Variants in LGI1 observed in about 807,000 individuals in gnomAD.
LGI1 encodes leucine rich glioma inactivated 1.
In LGI1, 11 loss-of-function variants were observed where a neutral mutation model predicts 57.7. The observed-to-expected ratio is 0.19, with a 90% CI of 0.12 to 0.32. LGI1 has a LOEUF of 0.32. LGI1 is among the 10% of genes least tolerant of loss of function. The pLI, the probability that LGI1 is intolerant of heterozygous loss-of-function variation, is 1.00. For missense variants in LGI1, 422 were observed against 661.9 expected (o/e 0.64, Z 3.98); for synonymous variants, 222 against 241.9 (o/e 0.92, Z 0.76).
At chr10:93,781,086 T>C (rs543996677) in intron 4 of LGI1, among the ~76,000 whole-genome samples, 3 of 152,284 alleles carry the variant, frequency 2.0e-5, no homozygotes, top group Admixed American at 6.5e-5. Flanking sequence ...AGGCCGGGCG[T>C]GGTGGCTCAC....
chr10:93,794,512 TGCCACCAC>T (rs548595692), intron 7 of LGI1: 181 of 152,036 alleles, frequency 1.2e-3, no homozygotes, highest in African/African-American at 4.1e-3. Flanking sequence ...TACAGGCATG[TGCCACCAC>T]GCCCTAATAA....
intron 2 of LGI1, chr10:93,764,767 G>T (rs778600260): frequency 1.8e-4 from 28 of 152,178 alleles, no homozygotes; most frequent in African/African-American, 5.6e-4. Context: ...GCTTTGCAAG[G>T]TTCCTGTAAC....
At position 93,758,417 on chromosome 10, in the gene LGI1, A is replaced by C. The variant is rs575994604; in HGVS notation, c.215+58A>C. 1.3e-6 allele frequency: 2 copies of C among 1,524,646 alleles called. No individual in the cohort carries two copies. The highest frequency in any genetic ancestry group is 1.8e-6 in the Non-Finnish European group (2 of 1,101,284). 94.4% of individuals were successfully genotyped at this position (1,524,646 alleles called of 1,614,324 possible). On this transcript the variant is annotated intron_variant, in intron 1 of 7. Transcript: ENST00000371418. This position sits in a 1 kb window ranked among gnomAD's most constrained non-coding sequence, Gnocchi z 4.7. Reference sequence around the variant, plus strand: ...ACGATTTAAAAATTCCAGCCGGTGGATTTGGGGCTTTGCATGTATTTGTAG... The same window carrying C: ...ACGATTTAAAAATTCCAGCCGGTGGCTTTGGGGCTTTGCATGTATTTGTAG...
chr10:93,758,041 C>A lies in LGI1; in HGVS notation c.-104C>A. 1 of 971,378 alleles carries A rather than the reference C, an allele frequency of 1.0e-6. No homozygotes were observed. The highest frequency in any genetic ancestry group is 1.6e-6 in the Non-Finnish European group (1 of 614,166). The allele number at this position is 971,378 out of a possible 1,614,324, so 60.2% of individuals were successfully genotyped here. A position where few individuals can be genotyped will look rare whatever the true frequency, so the allele number is the denominator to read the frequency against. ...TTTTGAAAAAGCAGAGATACAGAGGCAGAGGAAAAGGGTGGACTCCTATGT... is the reference window on the plus strand; with the variant it reads ...TTTTGAAAAAGCAGAGATACAGAGGAAGAGGAAAAGGGTGGACTCCTATGT... On this transcript the variant is annotated 5_prime_UTR_variant, in exon 1 of 8. Transcript: ENST00000371418. This position sits in a 1 kb window ranked among gnomAD's most constrained non-coding sequence, Gnocchi z 4.7.
At chr10:93,766,851 G>A (rs966106003) in intron 2 of LGI1, 2 of 152,058 alleles carry the variant, frequency 1.3e-5, no homozygotes, top group Admixed American at 6.5e-5. Context: ...ACCTTTTGAG[G>A]TAGATATAAT....
intron 4 of LGI1, among the ~76,000 whole-genome samples, chr10:93,785,755 G>A (rs1564848605): frequency 5.8e-5 from 1 of 17,256 alleles, no homozygotes; most frequent in African/African-American, 6.0e-5. Flanking sequence ...ACTCGGTGCA[G>A]AGGTGGAATC....
Position 93,758,492 on chromosome 10 carries a change from G to GCTAA in LGI1, c.215+135_215+138dup. 1.1e-6 allele frequency: 1 copy of GCTAA among 934,426 alleles called. No individual in the cohort carries two copies. Among genetic ancestry groups the GCTAA allele is most frequent in the Non-Finnish European group, 1.7e-6 (1 of 587,936 alleles). The allele number at this position is 934,426 out of a possible 1,614,324, so 57.9% of individuals were successfully genotyped here. ...CTTGCATGCTTGGCCATTTGACAGT[G>GCTAA]CTAACATTTGCTGCATTTAGAATTT... is the stretch of plus-strand genomic sequence containing the variant. On this transcript the variant is annotated intron_variant, in intron 1 of 7. Coordinates refer to ENST00000371418, the MANE Select transcript of LGI1 (RefSeq NM_005097.4). This position sits in a 1 kb window ranked among gnomAD's most constrained non-coding sequence, Gnocchi z 4.7.
At chr10:93,783,460 GA>G (rs1564847571) in intron 4 of LGI1, among the ~76,000 whole-genome samples, 1 of 152,196 alleles carries the variant, frequency 6.6e-6, no homozygotes, top group African/African-American at 2.4e-5. Flanking sequence ...GTGCTTAGTT[GA>G]AGGCAACTTT....
At chr10:93,759,019 A>G (rs2059595367) in intron 2 of LGI1, 188 bp downstream of exon 2, 8 of 605,662 alleles carry the variant, frequency 1.3e-5, no homozygotes, top group Admixed American at 5.7e-5. Context: ...GATTCTTACA[A>G]TGGTAAATCT....
At position 93,793,259 on chromosome 10, in the gene LGI1, T is replaced by C. The variant is rs1222260035; in HGVS notation, c.747T>C (p.Tyr249=). Residue 249 remains tyrosine (Y), a synonymous_variant, in exon 7 of 8, where the codon TAT becomes TAC. Coordinates refer to ENST00000371418, the MANE Select transcript of LGI1 (RefSeq NM_005097.4). ...IDTFSYLNDE[Y]VVIAQPFTGK... is the part of the protein sequence containing the mutation. ...CTTTTTCTTATTTGAATGATGAGTA[T>C]GTAGTCATCGCTCAGCCTTTTACTG... 14 of 1,611,036 alleles carry C rather than the reference T, an allele frequency of 8.7e-6. No individual in the cohort carries two copies. The highest frequency in any genetic ancestry group is 8.5e-6 in the Non-Finnish European group (10 of 1,177,304).
intron 2 of LGI1, among the ~76,000 whole-genome samples, chr10:93,765,907 T>C (rs917528450): frequency 3.3e-5 from 5 of 149,692 alleles, no homozygotes; most frequent in Admixed American, 6.7e-5. Context: ...GAGGCGGAGC[T>C]TGCAGTGAGC....
chr10:93,770,902 C>T (rs2059730316), intron 2 of LGI1: 1 of 152,108 alleles, frequency 6.6e-6, no homozygotes, highest in Non-Finnish European at 1.5e-5. Context: ...GGATGCATTA[C>T]ACAAAGTAAA....
At chr10:93,789,556 C>T (rs2059918856) in intron 4 of LGI1, 1 of 157,960 alleles carries the variant, frequency 6.3e-6, no homozygotes, top group Non-Finnish European at 1.4e-5. Context: ...AAGATCAATG[C>T]CCAGGAATCA....
In LGI1 at chr10:93,760,156, A is replaced by G. The variant is rs956123464; in HGVS notation, c.287+1325A>G. Among the ~76,000 whole-genome samples, 16 of 152,244 alleles carry G rather than the reference A, an allele frequency of 1.1e-4. 1 individual carries two copies. The highest frequency in any genetic ancestry group is 9.2e-4 in the Admixed American group (14 of 15,286). Reference sequence around the variant, plus strand: ...AAACTTGATCAGTTGTTTTGACATTATGTAATGATGTTGGCTAATGCCCTT... The same window carrying G: ...AAACTTGATCAGTTGTTTTGACATTGTGTAATGATGTTGGCTAATGCCCTT... On this transcript the variant is annotated intron_variant, in intron 2 of 7. Coordinates refer to ENST00000371418, the MANE Select transcript of LGI1 (RefSeq NM_005097.4).
chr10:93,784,378 A>G (rs576116715), intron 4 of LGI1, among the ~76,000 whole-genome samples: 2 of 152,328 alleles, frequency 1.3e-5, no homozygotes, highest in Admixed American at 6.5e-5. Flanking sequence ...CTCAGTGAAA[A>G]TGACAAAGCT....
At chr10:93,795,790 C>T (rs947107019) in intron 7 of LGI1, among the ~76,000 whole-genome samples, 1 of 152,152 alleles carries the variant, frequency 6.6e-6, no homozygotes, top group Non-Finnish European at 1.5e-5. Context: ...TTAATCTAGT[C>T]TAAAGTCTCA....
chr10:93,776,841 T>C (rs979116094), intron 2 of LGI1: 2 of 163,618 alleles, frequency 1.2e-5, no homozygotes, highest in African/African-American at 4.8e-5. Context: ...AAACCTCATG[T>C]TTCCCATTTT....
intron 2 of LGI1, among the ~76,000 whole-genome samples, chr10:93,766,059 A>G (rs1260133200): frequency 2.0e-5 from 3 of 152,146 alleles, no homozygotes; most frequent in Non-Finnish European, 4.4e-5. Flanking sequence ...AAAGAAACTC[A>G]TAATATGAAA....
At chr10:93,776,191 A>G (rs540611021) in intron 2 of LGI1, among the ~76,000 whole-genome samples, 9 of 152,346 alleles carry the variant, frequency 5.9e-5, no homozygotes, top group Admixed American at 2.6e-4. Context: ...ACACCACTCT[A>G]GGATTGATAG....
Sources: gnomAD v4.1 joint callset for allele counts (sites outside exome capture counted in the v4.1 genomes callset) on GRCh38, gnomAD v4.1.1 for gene constraint, Gnocchi (gnomAD v3.1) non-coding constraint, MANE v1.5 for transcripts, NCBI Gene and HGNC (gene_info 2026-07-23, HGNC 2026-07-21) for gene names.